ANTXR2: variants seen among roughly 807,000 people sequenced by gnomAD.
ANTXR2 encodes anthrax toxin receptor 2.
In ANTXR2, 44 loss-of-function variants were observed where a neutral mutation model predicts 73.7. The observed-to-expected ratio is 0.60, with a 90% CI of 0.47 to 0.77. The LOEUF (loss-of-function observed/expected upper bound fraction) is 0.77, where lower values mean the gene tolerates loss of function less well. Ranked by LOEUF, ANTXR2 falls within the 30% of genes least tolerant of loss-of-function variation. ANTXR2 has a pLI of 0.00. For synonymous variants in ANTXR2, 217 were observed against 205.9 expected (o/e 1.05, Z -0.46); for missense variants, 604 against 592.5 (o/e 1.02, Z -0.20).
chr4:80,022,174 TGA>T (rs970072043), intron 10 of ANTXR2, among the ~76,000 whole-genome samples: 3 of 152,228 alleles, frequency 2.0e-5, no homozygotes, highest in African/African-American at 7.2e-5. Flanking sequence ...CTCATTAGTA[TGA>T]GTTTCATTTG....
intron 11 of ANTXR2, among the ~76,000 whole-genome samples, chr4:80,010,432 C>T (rs1348077057): frequency 6.6e-6 from 1 of 152,174 alleles, no homozygotes; most frequent in Non-Finnish European, 1.5e-5. Flanking sequence ...AGAAGGAATA[C>T]ATTTCTCACC....
chr4:80,011,178 T>C (rs1731556940), intron 11 of ANTXR2, among the ~76,000 whole-genome samples: 3 of 151,962 alleles, frequency 2.0e-5, no homozygotes, highest in African/African-American at 7.2e-5. Flanking sequence ...TAATTAAAAA[T>C]AAATTATGCA....
rs1053895352 is a variant in ANTXR2 at position 80,024,217 on chromosome 4, G to C, written c.867-5241C>G. Among the ~76,000 whole-genome samples the C allele has an allele frequency of 2.0e-5, 3 of 152,244 alleles. No individual in the cohort carries two copies. In the South Asian group the frequency reaches 6.2e-4, roughly 32 times the overall value. ...AGTTTCTGTCTTACACAAGTAGGTG[G>C]GCAGTCTTGCATAGGGAACACAGAA... On this transcript the variant is annotated intron_variant, in intron 10 of 16. Transcript: ENST00000403729.
chr4:80,046,738 C>T (rs543215668), intron 7 of ANTXR2, among the ~76,000 whole-genome samples: 2 of 151,692 alleles, frequency 1.3e-5, no homozygotes, highest in Non-Finnish European at 2.9e-5. Context: ...TTTCCAAATA[C>T]ACATCCTAAA....
intron 7 of ANTXR2, among the ~76,000 whole-genome samples, chr4:80,039,346 CA>C (rs1466171731): frequency 6.6e-6 from 1 of 152,016 alleles, no homozygotes; most frequent in African/African-American, 2.4e-5. Flanking sequence ...AACTAGAAAT[CA>C]AAATAATTTG....
At chr4:79,999,608 G>C (rs1374357156) in intron 12 of ANTXR2, among the ~76,000 whole-genome samples, 4 of 151,956 alleles carry the variant, frequency 2.6e-5, no homozygotes, top group Non-Finnish European at 5.9e-5. Context: ...CAATCATATT[G>C]AAATGTAATT....
At chr4:80,021,764 G>T (rs1401841326) in intron 10 of ANTXR2, among the ~76,000 whole-genome samples, 1 of 151,588 alleles carries the variant, frequency 6.6e-6, no homozygotes, top group Non-Finnish European at 1.5e-5. Flanking sequence ...TGTGGCTGGT[G>T]TAAAAAAAAA....
rs2760 is a variant in ANTXR2 at position 79,905,758 on chromosome 4, A to C, written c.*1671T>G. The stretch of plus-strand genomic sequence containing the variant: ...AAACCTGGACACCAACCAACAGAAT[A>C]CTCCCGTCCTTTGAAATTTCCATTA... On this transcript the variant is annotated 3_prime_UTR_variant, in exon 17 of 17. Coordinates refer to ENST00000403729, the MANE Select transcript of ANTXR2 (RefSeq NM_058172.6). 0.13 allele frequency: 19,884 copies of C among 152,318 alleles called. 2,526 individuals are homozygous for C. Among genetic ancestry groups the C allele is most frequent in the East Asian group, 0.68 (3,469 of 5,132 alleles). 9.4% of individuals were successfully genotyped at this position (152,318 alleles called of 1,614,324 possible).
rs181880386 is a variant in ANTXR2, at chr4:80,062,214, C to T, written c.297-6201G>A. On this transcript the variant is annotated intron_variant, in intron 3 of 16. Transcript: ENST00000403729. The stretch of plus-strand genomic sequence containing the variant: ...GCAGTCATAGATCCAGAAATATCTG[C>T]TCACAAAATACCCTGTACAATCTGA... Among the ~76,000 whole-genome samples, 85 of 152,288 alleles carry T rather than the reference C, an allele frequency of 5.6e-4. 1 individual carries two copies. The East Asian group carries it at 0.014, about 26-fold the overall frequency.
At chr4:79,952,756 T>C (rs1728752514) in intron 16 of ANTXR2, among the ~76,000 whole-genome samples, 1 of 151,686 alleles carries the variant, frequency 6.6e-6, no homozygotes, top group African/African-American at 2.4e-5. Context: ...TAAAAAGCCT[T>C]AAAATGTAGT....
At chr4:80,050,024 C>G (rs1733703248) in intron 7 of ANTXR2, among the ~76,000 whole-genome samples, 1 of 151,654 alleles carries the variant, frequency 6.6e-6, no homozygotes, top group Non-Finnish European at 1.5e-5. Flanking sequence ...TGACCTAGTT[C>G]CATTGCGAAA....
chr4:79,993,341 A>G (rs1250895669), intron 12 of ANTXR2, among the ~76,000 whole-genome samples: 1 of 151,802 alleles, frequency 6.6e-6, no homozygotes, highest in Non-Finnish European at 1.5e-5. Context: ...GAAGAGAGGA[A>G]GAAACAAATT....
At chr4:80,012,163 G>T (rs1731615762) in intron 11 of ANTXR2, among the ~76,000 whole-genome samples, 2 of 152,260 alleles carry the variant, frequency 1.3e-5, no homozygotes, top group South Asian at 4.1e-4. Flanking sequence ...GGGAAAATGG[G>T]TCTCCACAAT....
At chr4:80,049,903 C>A (rs1733697412) in intron 7 of ANTXR2, among the ~76,000 whole-genome samples, 2 of 151,652 alleles carry the variant, frequency 1.3e-5, no homozygotes, top group South Asian at 4.2e-4. Context: ...TCTCTCGGAG[C>A]CCAGCTCAAC....
At chr4:79,997,842 T>C (rs918095011) in intron 12 of ANTXR2, among the ~76,000 whole-genome samples, 1 of 151,986 alleles carries the variant, frequency 6.6e-6, no homozygotes, top group Admixed American at 6.6e-5. Context: ...ATGAGTTTGA[T>C]ACTGTCTCGT....
At chr4:80,020,751 GCTA>G (rs1375009445) in intron 10 of ANTXR2, among the ~76,000 whole-genome samples, 1 of 152,126 alleles carries the variant, frequency 6.6e-6, no homozygotes, top group Non-Finnish European at 1.5e-5. Context: ...ATACAAGAAA[GCTA>G]CTGGGAAGGA....
At position 80,008,620 on chromosome 4, in the gene ANTXR2, A is replaced by C. The variant is rs768451374; in HGVS notation, c.946-4T>G. On this transcript the variant is annotated splice_region_variant and splice_polypyrimidine_tract_variant and intron_variant, in intron 11 of 16. Transcript: ENST00000403729. ...TGATGGCTGCGATCCCGTTAGACTA[A>C]AGTAGGCAAAAAGCAAAAACAAAGC... 5.7e-6 allele frequency: 9 copies of C among 1,584,376 alleles called. No homozygotes were observed. Among genetic ancestry groups the C allele is most frequent in the Non-Finnish European group, 7.7e-6 (9 of 1,168,374 alleles).
intron 10 of ANTXR2, 58 bp from the exon 11 acceptor site, chr4:80,019,034 T>C: frequency 3.4e-6 from 4 of 1,172,886 alleles, no homozygotes; most frequent in Admixed American, 6.8e-5. Flanking sequence ...GAGTAGGAGA[T>C]TTTTATTTCC....
At chr4:80,005,359 C>T (rs1048888731) in intron 12 of ANTXR2, among the ~76,000 whole-genome samples, 3 of 152,160 alleles carry the variant, frequency 2.0e-5, no homozygotes, top group South Asian at 2.1e-4. Flanking sequence ...CACAACACCA[C>T]GCTGATAAAT....
Sources: allele counts gnomAD v4.1 joint callset (sites outside exome capture counted in the v4.1 genomes callset), GRCh38; gene constraint gnomAD v4.1.1; transcripts MANE v1.5; gene names NCBI Gene and HGNC (gene_info 2026-07-23, HGNC 2026-07-21).